The following ZNF804A variants were observed in gnomAD, a reference collection of about 807,000 sequenced individuals.
ZNF804A encodes the protein zinc finger protein 804A.
A neutral mutation model predicts 16.5 loss-of-function variants in ZNF804A; 2 were observed. The observed-to-expected ratio is 0.12, with a 90% confidence interval of 0.05 to 0.38. The LOEUF (loss-of-function observed/expected upper bound fraction) is 0.38. Ranked by LOEUF, ZNF804A falls within the 10% of genes least tolerant of loss-of-function variation. The pLI is 0.99. For synonymous variants in ZNF804A, 534 were observed against 489.6 expected, an observed-to-expected ratio of 1.09 and a Z score of -1.20; for missense variants, 1,473 against 1,390.7, an observed-to-expected ratio of 1.06 and a Z score of -0.94.
At chr2:184,816,580 AT>A (rs1694987162) in intron 1 of ZNF804A, among the ~76,000 whole-genome samples, 1 of 152,034 alleles carries the variant, frequency 6.6e-6, no homozygotes, top group Admixed American at 6.6e-5. Flanking sequence ...CTTCTTTAGA[AT>A]TTGATCTTTA....
intron 1 of ZNF804A, among the ~76,000 whole-genome samples, chr2:184,789,785 T>A (rs1694505801): frequency 1.3e-5 from 2 of 152,230 alleles, no homozygotes; most frequent in South Asian, 4.1e-4. Flanking sequence ...CAACTTTTAG[T>A]TTCATTGATT....
intron 1 of ZNF804A, among the ~76,000 whole-genome samples, chr2:184,605,222 C>CA (rs1054752316): frequency 1.3e-5 from 2 of 151,332 alleles, no homozygotes; most frequent in Non-Finnish European, 1.5e-5. Context: ...GTAATCCTAC[C>CA]AAAAAAAGAT....
chr2:184,691,198 G>A (rs1180309350), intron 1 of ZNF804A, among the ~76,000 whole-genome samples: 3 of 151,792 alleles, frequency 2.0e-5, no homozygotes, highest in South Asian at 2.1e-4. Context: ...TAGTATCTAC[G>A]GATTCATGTC....
chr2:184,772,454 A>G (rs904661317), intron 1 of ZNF804A, among the ~76,000 whole-genome samples: 1 of 152,026 alleles, frequency 6.6e-6, no homozygotes, highest in Non-Finnish European at 1.5e-5. Context: ...GCTGTAGGAT[A>G]TATCATTATG....
chr2:184,845,035 AT>A (rs1695492260), intron 1 of ZNF804A, among the ~76,000 whole-genome samples: 1 of 151,892 alleles, frequency 6.6e-6, no homozygotes, highest in African/African-American at 2.4e-5. Context: ...TTTAAGGTAT[AT>A]TTAATTTCTA....
intron 1 of ZNF804A, among the ~76,000 whole-genome samples, chr2:184,798,501 T>C (rs1694672493): frequency 6.6e-6 from 1 of 152,104 alleles, no homozygotes; most frequent in Non-Finnish European, 1.5e-5. Flanking sequence ...AGCTCTGAAT[T>C]TCTTTCTTTA....
intron 1 of ZNF804A, among the ~76,000 whole-genome samples, chr2:184,675,300 G>C (rs1347044703): frequency 6.6e-6 from 1 of 151,616 alleles, no homozygotes; most frequent in Non-Finnish European, 1.5e-5. Flanking sequence ...CTATCTTAAA[G>C]TACTATTTTT....
chr2:184,842,860 A>G (rs759958082), intron 1 of ZNF804A, among the ~76,000 whole-genome samples: 1 of 152,124 alleles, frequency 6.6e-6, no homozygotes, highest in South Asian at 2.1e-4. Context: ...ACAAACTGTA[A>G]ATATAGTTTC....
At chr2:184,604,820 G>C (rs1463396292) in intron 1 of ZNF804A, among the ~76,000 whole-genome samples, 7 of 152,024 alleles carry the variant, frequency 4.6e-5, no homozygotes, top group Non-Finnish European at 1.5e-5. Context: ...GTACCTGTTT[G>C]CCACATATTG....
chr2:184,896,238 A>G (rs1685064115), intron 2 of ZNF804A, among the ~76,000 whole-genome samples: 1 of 152,130 alleles, frequency 6.6e-6, no homozygotes, highest in South Asian at 2.1e-4. Flanking sequence ...CAGAACTCCC[A>G]AGGTGCTCTA....
chr2:184,817,547 C>A (rs1304954226), intron 1 of ZNF804A, among the ~76,000 whole-genome samples: 1 of 151,994 alleles, frequency 6.6e-6, no homozygotes, highest in African/African-American at 2.4e-5. Flanking sequence ...GAACTGGGCT[C>A]TGGCCAAGAT....
intron 1 of ZNF804A, among the ~76,000 whole-genome samples, chr2:184,860,874 A>G (rs553164730): frequency 1.3e-5 from 2 of 152,232 alleles, no homozygotes; most frequent in South Asian, 2.1e-4. Flanking sequence ...GTGCTGGCGC[A>G]TTCAGGAGTC....
intron 2 of ZNF804A, among the ~76,000 whole-genome samples, chr2:184,927,671 G>T (rs923995887): frequency 3.3e-5 from 5 of 152,050 alleles, no homozygotes; most frequent in African/African-American, 1.2e-4. Context: ...TTGTACTGTC[G>T]CTGAGCTGGC....
intron 1 of ZNF804A, among the ~76,000 whole-genome samples, chr2:184,770,371 T>C (rs1214047225): frequency 6.6e-6 from 1 of 152,096 alleles, no homozygotes; most frequent in Non-Finnish European, 1.5e-5. Context: ...GAATGTGTTA[T>C]AACGTTTTCA....
At chr2:184,651,644 C>G (rs934634539) in intron 1 of ZNF804A, among the ~76,000 whole-genome samples, 1 of 151,954 alleles carries the variant, frequency 6.6e-6, no homozygotes, top group Non-Finnish European at 1.5e-5. Context: ...TAGGAACAGA[C>G]ACTACTCAAA....
chr2:184,781,633 C>T (rs947897733), intron 1 of ZNF804A, among the ~76,000 whole-genome samples: 4 of 151,688 alleles, frequency 2.6e-5, no homozygotes, highest in Non-Finnish European at 4.4e-5. Flanking sequence ...GCTGTGTACA[C>T]GTATTTTCTG....
intron 1 of ZNF804A, among the ~76,000 whole-genome samples, chr2:184,754,988 C>T (rs1289034745): frequency 6.6e-6 from 1 of 151,642 alleles, no homozygotes; most frequent in Non-Finnish European, 1.5e-5. Context: ...GAAAACTGCC[C>T]CCATGATCAA....
Position 184,658,473 on chromosome 2 carries a change from G to A in ZNF804A, c.111+59403G>A, listed in dbSNP as rs145757785. Among the ~76,000 whole-genome samples the A allele has an allele frequency of 6.6e-5, 10 of 152,070 alleles. 1 individual carries two copies. The East Asian group carries it at 1.4e-3, about 21-fold the overall frequency. On this transcript the variant is annotated intron_variant, in intron 1 of 3. Transcript: ENST00000302277. Reference sequence around the variant, plus strand: ...GGGCAGCAGAGCCAGACTCCATCTCGAGGAAAAACAAAAAACAGAAAACAA... The same window carrying A: ...GGGCAGCAGAGCCAGACTCCATCTCAAGGAAAAACAAAAAACAGAAAACAA...
At chr2:184,703,149 A>G (rs1319876547) in intron 1 of ZNF804A, among the ~76,000 whole-genome samples, 1 of 152,156 alleles carries the variant, frequency 6.6e-6, no homozygotes, top group East Asian at 1.9e-4. Flanking sequence ...TTTACTACCC[A>G]AATAATTTTA....
Sources: gnomAD v4.1 joint callset for allele counts (sites outside exome capture counted in the v4.1 genomes callset) on GRCh38, gnomAD v4.1.1 for gene constraint, MANE v1.5 for transcripts, NCBI Gene and HGNC (gene_info 2026-07-23, HGNC 2026-07-21) for gene names.